BCKDHB: variants seen among roughly 807,000 people sequenced by gnomAD.
The protein encoded by BCKDHB is 2-oxoisovalerate dehydrogenase subunit beta, mitochondrial.
A neutral mutation model predicts 48.5 loss-of-function variants in BCKDHB; 41 were observed. That is an observed-to-expected ratio of 0.85 (90% CI 0.66 to 1.10). BCKDHB has a LOEUF of 1.10. BCKDHB is among the 50% of genes least tolerant of loss of function. The pLI is 0.00. For synonymous variants in BCKDHB, 201 were observed against 174.8 expected, an observed-to-expected ratio of 1.15 and a Z score of -1.18; for missense variants, 496 against 494.2, an observed-to-expected ratio of 1.00 and a Z score of -0.03.
chr6:80,414,681 C>G, the BCKDHB span, among the ~76,000 whole-genome samples: 8 of 152,054 alleles, frequency 5.3e-5, no homozygotes, highest in African/African-American at 7.2e-5. Context: ...AATTTTAAGT[C>G]AGGTAACTTG....
chr6:80,281,316 G>A (rs1778184836), intron 9 of BCKDHB, among the ~76,000 whole-genome samples: 2 of 152,132 alleles, frequency 1.3e-5, no homozygotes, highest in African/African-American at 2.4e-5. Context: ...ATGAAGCAGA[G>A]TGAGAGGGAG....
chr6:80,302,711 C>T lies in BCKDHB; in HGVS notation c.1038+29490C>T, dbSNP rs563150913. On this transcript the variant is annotated intron_variant, in intron 9 of 9. Transcript: ENST00000320393. ...AAACACAACAACCAGTTATTTCTAT[C>T]GATTGCACTTATCCATTTGTTTAGC... Among the ~76,000 whole-genome samples, 126 of 152,230 alleles carry T rather than the reference C, an allele frequency of 8.3e-4. 1 individual carries two copies. The highest frequency in any genetic ancestry group is 2.9e-3 in the African/African-American group (120 of 41,558).
intron 8 of BCKDHB, among the ~76,000 whole-genome samples, chr6:80,248,250 C>A (rs1776694998): frequency 6.6e-6 from 1 of 152,158 alleles, no homozygotes; most frequent in African/African-American, 2.4e-5. Flanking sequence ...ATCTTTTCCA[C>A]TGTTTAATCT....
chr6:80,133,170 G>A (rs1770715950), intron 3 of BCKDHB, among the ~76,000 whole-genome samples: 1 of 152,160 alleles, frequency 6.6e-6, no homozygotes, highest in Admixed American at 6.6e-5. Context: ...CATCCCTGTT[G>A]GCATTGTGCC....
chr6:80,429,459 T>C, the BCKDHB span, among the ~76,000 whole-genome samples: 4 of 152,338 alleles, frequency 2.6e-5, no homozygotes, highest in African/African-American at 9.6e-5. Flanking sequence ...TAAACTACTT[T>C]GGGCAGTATG....
rs2207142 is a variant in BCKDHB, at chr6:80,338,700, T to A, written c.1039-4964T>A. 2.2e-4 allele frequency among the ~76,000 whole-genome samples: 33 copies of A among 152,130 alleles called. No individual in the cohort carries two copies. In the Middle Eastern group the frequency reaches 0.01, roughly 47 times the overall value. On this transcript the variant is annotated intron_variant, in intron 9 of 9. Coordinates refer to ENST00000320393, the MANE Select transcript of BCKDHB (RefSeq NM_183050.4). ...TTCTATTATTTAAAATACCTTGTGC[T>A]TATTATAAATATGGGATTCCTTTAA... is the stretch of plus-strand genomic sequence containing the variant.
At chr6:80,144,159 C>T (rs1033623486) in intron 3 of BCKDHB, among the ~76,000 whole-genome samples, 6 of 152,028 alleles carry the variant, frequency 3.9e-5, no homozygotes, top group African/African-American at 1.2e-4. Context: ...TATTCAACGG[C>T]AGAAATACAG....
intron 6 of BCKDHB, among the ~76,000 whole-genome samples, chr6:80,185,314 C>A (rs930556902): frequency 1.3e-5 from 2 of 151,968 alleles, no homozygotes; most frequent in African/African-American, 4.8e-5. Context: ...ACCTTTTCAT[C>A]CATATCCTGC....
chr6:80,227,696 C>T (rs139763544), intron 8 of BCKDHB, among the ~76,000 whole-genome samples: 2,325 of 152,084 alleles, frequency 0.015, 19 homozygotes, highest in Non-Finnish European at 0.026. Flanking sequence ...GGTATGTGAC[C>T]GTAAAATTCC....
intron 3 of BCKDHB, among the ~76,000 whole-genome samples, chr6:80,134,170 T>C (rs1436965534): frequency 6.6e-6 from 1 of 152,134 alleles, no homozygotes; most frequent in Admixed American, 6.6e-5. Flanking sequence ...TTTGGCCCAC[T>C]TATTGGAGGA....
chr6:80,279,082 CTA>C (rs1778088941), intron 9 of BCKDHB, among the ~76,000 whole-genome samples: 1 of 152,094 alleles, frequency 6.6e-6, no homozygotes, highest in Non-Finnish European at 1.5e-5. Context: ...AAAATGAACT[CTA>C]TTTCTCTTCA....
chr6:80,229,644 G>T (rs558593790), intron 8 of BCKDHB, among the ~76,000 whole-genome samples: 1 of 152,016 alleles, frequency 6.6e-6, no homozygotes, highest in Non-Finnish European at 1.5e-5. Context: ...AAAATTATTT[G>T]TATTTTAGTG....
intron 3 of BCKDHB, among the ~76,000 whole-genome samples, chr6:80,161,181 G>A (rs1030322195): frequency 5.3e-5 from 8 of 152,096 alleles, no homozygotes; most frequent in African/African-American, 1.9e-4. Context: ...AACTTACTGT[G>A]TCATTATAGA....
chr6:80,115,425 G>A (rs1013471268), intron 1 of BCKDHB, among the ~76,000 whole-genome samples: 1 of 152,106 alleles, frequency 6.6e-6, no homozygotes, highest in Admixed American at 6.6e-5. Flanking sequence ...TAAGATAGAG[G>A]TACATACCTG....
the BCKDHB span, among the ~76,000 whole-genome samples, chr6:80,400,116 A>C: frequency 6.6e-6 from 1 of 152,120 alleles, no homozygotes; most frequent in Non-Finnish European, 1.5e-5. Context: ...AAAACCTAAA[A>C]CAATAAAAAC....
chr6:80,268,183 G>T (rs1777592784), intron 8 of BCKDHB, among the ~76,000 whole-genome samples: 1 of 151,960 alleles, frequency 6.6e-6, no homozygotes, highest in Non-Finnish European at 1.5e-5. Flanking sequence ...GGTTTTTCTG[G>T]CTAACTTGTT....
At chr6:80,290,458 G>A (rs377121872) in intron 9 of BCKDHB, among the ~76,000 whole-genome samples, 21 of 152,146 alleles carry the variant, frequency 1.4e-4, no homozygotes, top group Non-Finnish European at 1.2e-4. Flanking sequence ...TCTCTCCCCC[G>A]CCCACTGCGG....
the BCKDHB span, among the ~76,000 whole-genome samples, chr6:80,423,117 A>G: frequency 2.0e-5 from 3 of 152,192 alleles, no homozygotes; most frequent in African/African-American, 7.2e-5. Context: ...GGTTTCTGCC[A>G]TGCTATTCTT....
chr6:80,285,921 C>T (rs1766604489), intron 9 of BCKDHB, among the ~76,000 whole-genome samples: 1 of 151,886 alleles, frequency 6.6e-6, no homozygotes, highest in Non-Finnish European at 1.5e-5. Context: ...GATCTTCTGT[C>T]AGTATAAGGG....
Sources: allele counts gnomAD v4.1 joint callset (sites outside exome capture counted in the v4.1 genomes callset), GRCh38; gene constraint gnomAD v4.1.1; transcripts MANE v1.5; gene names NCBI Gene and HGNC (gene_info 2026-07-23, HGNC 2026-07-21).